ABI2: variants seen among roughly 807,000 people sequenced by gnomAD.
ABI2 encodes abl interactor 2, also known as abelson interactor 2.
ABI2 carries 25 observed loss-of-function variants against 59.2 expected under a neutral mutation model. The ratio of observed to expected loss-of-function variants is 0.42; its 90% confidence interval spans 0.31 to 0.59. ABI2 has a LOEUF of 0.59. Ranked by LOEUF, ABI2 falls within the 20% of genes least tolerant of loss-of-function variation. The pLI, the probability that ABI2 is intolerant of heterozygous loss-of-function variation, is 0.14. For synonymous variants in ABI2, 213 were observed against 235.5 expected, an observed-to-expected ratio of 0.90 and a Z score of 0.87; for missense variants, 545 against 681.8, an observed-to-expected ratio of 0.80 and a Z score of 2.23.
intron 10 of ABI2, among the ~76,000 whole-genome samples, chr2:203,416,308 T>C (rs1010909460): frequency 6.6e-6 from 1 of 152,098 alleles, no homozygotes; most frequent in East Asian, 1.9e-4. Context: ...TTTTTTGCTG[T>C]TGTTGTTTTT....
chr2:203,414,101 CTTT>C lies in ABI2; in HGVS notation c.1279+2747_1279+2749del, dbSNP rs539839995. On this transcript the variant is annotated intron_variant, in intron 10 of 11. Coordinates refer to ENST00000261018, the MANE Select transcript of ABI2 (RefSeq NM_001375670.1). Reference sequence around the variant, plus strand: ...TTTCTTACCTTTGTACTTGCATTGTCTTTTTTTTTTTTTTTTTTTGGAGACAGT... The same window carrying C: ...TTTCTTACCTTTGTACTTGCATTGTCTTTTTTTTTTTTTTTTGGAGACAGT... 1.4e-3 allele frequency among the ~76,000 whole-genome samples: 177 copies of C among 126,672 alleles called. 1 individual carries two copies. The highest frequency in any genetic ancestry group is 4.3e-3 in the Admixed American group (54 of 12,516). 83.1% of individuals were successfully genotyped at this position (126,672 alleles called of 152,430 possible). A position where few individuals can be genotyped will look rare whatever the true frequency, so the allele number is the denominator to read the frequency against.
chr2:203,359,847 G>A (rs944951256), intron 1 of ABI2, among the ~76,000 whole-genome samples: 2 of 13,584 alleles, frequency 1.5e-4, no homozygotes, highest in Admixed American at 1.1e-3. Context: ...TACATTTTTG[G>A]GGGGGGGACA....
intron 11 of ABI2, among the ~76,000 whole-genome samples, chr2:203,424,165 A>T (rs1018254893): frequency 4.6e-5 from 7 of 152,208 alleles, no homozygotes; most frequent in Non-Finnish European, 1.5e-5. Context: ...ATCTAGACAG[A>T]TTTTACATTT....
chr2:203,380,343 A>G lies in ABI2; in HGVS notation c.421A>G (p.Ile141Val), dbSNP rs141392713. The G allele has an allele frequency of 6.7e-4, 1,074 of 1,598,598 alleles. 4 individuals are homozygous for G. Among genetic ancestry groups the G allele is most frequent in the Middle Eastern group, 2.0e-3 (12 of 5,986 alleles). ...ACCAGTTCGTTATATTAGAAAACCT[A>G]TTGACTATACAATTCTAGATGATAT... ...ERPVRYIRKP[I>V]DYTILDDIGH... is the part of the protein sequence containing the mutation. Residue 141 changes from isoleucine (I) to valine (V), a missense_variant, in exon 3 of 12, where the codon ATT becomes GTT. Physicochemically the swap from Ile to Val is conservative, Grantham distance 29. This residue lies in a region of ABI2 where 410 missense variants were observed against 435.6 expected (regional missense o/e 0.94). Transcript: ENST00000261018.
intron 1 of ABI2, among the ~76,000 whole-genome samples, chr2:203,365,622 CTTTTTTTTTTTTT>C (rs71007507): frequency 3.1e-5 from 2 of 63,908 alleles, no homozygotes; most frequent in Admixed American, 4.9e-4. Flanking sequence ...GGGCTGTTAT[CTTTTTTTTTTTTT>C]TTTTTTTTTT....
chr2:203,425,886 G>A (rs957398825), intron 11 of ABI2, among the ~76,000 whole-genome samples: 1 of 152,118 alleles, frequency 6.6e-6, no homozygotes, highest in Non-Finnish European at 1.5e-5. Context: ...GCTGTGCGTG[G>A]TGGTGGGCGC....
At chr2:203,346,149 CAAA>C (rs1051436115) in intron 1 of ABI2, among the ~76,000 whole-genome samples, 60 of 137,248 alleles carry the variant, frequency 4.4e-4, no homozygotes, top group Non-Finnish European at 8.3e-4. Flanking sequence ...AACTCCATCT[CAAA>C]AAAAAAAAAA....
intron 1 of ABI2, among the ~76,000 whole-genome samples, chr2:203,365,622 C>CTTTTTTTTTTTTTTTTTTTTTTTTTTT (rs71007507): frequency 1.6e-5 from 1 of 63,908 alleles, no homozygotes; most frequent in African/African-American, 6.0e-5. Flanking sequence ...GGGCTGTTAT[C>CTTTTTTTTTTTTTTTTTTTTTTTTTTT]TTTTTTTTTT....
chr2:203,378,905 A>G (rs199840649), intron 2 of ABI2, among the ~76,000 whole-genome samples: 1 of 152,160 alleles, frequency 6.6e-6, no homozygotes, highest in East Asian at 1.9e-4. Flanking sequence ...ATTTATATAT[A>G]TAATAAACAG....
intron 1 of ABI2, among the ~76,000 whole-genome samples, chr2:203,350,620 A>G (rs1022917137): frequency 6.6e-6 from 1 of 150,420 alleles, no homozygotes; most frequent in South Asian, 2.1e-4. Context: ...GCTCACTGCA[A>G]TCTCTGCCTC....
chr2:203,425,343 C>T (rs1172099346), intron 11 of ABI2, among the ~76,000 whole-genome samples: 1 of 152,218 alleles, frequency 6.6e-6, no homozygotes, highest in Non-Finnish European at 1.5e-5. Flanking sequence ...GCTGGGATTA[C>T]AGGCGCCCAC....
chr2:203,390,970 A>G, intron 4 of ABI2, 76 bp from the exon 5 acceptor site: 5 of 1,082,710 alleles, frequency 4.6e-6, no homozygotes, highest in Non-Finnish European at 7.0e-6. Context: ...TTTGTTATGT[A>G]GTGTAGCATA....
At chr2:203,417,112 G>A (rs1342963834) in intron 11 of ABI2, 31 bp downstream of exon 11, 1 of 1,552,316 alleles carries the variant, frequency 6.4e-7, no homozygotes, top group Non-Finnish European at 8.7e-7. Flanking sequence ...TGGATAGATG[G>A]GAAGAAACCT....
intron 10 of ABI2, among the ~76,000 whole-genome samples, chr2:203,415,495 T>C (rs544319806): frequency 1.4e-4 from 21 of 151,838 alleles, no homozygotes; most frequent in African/African-American, 4.8e-4. Context: ...CGGGCGCCTG[T>C]AGTCCCAGCT....
intron 1 of ABI2, among the ~76,000 whole-genome samples, chr2:203,332,460 A>C (rs2074263981): frequency 6.6e-6 from 1 of 152,222 alleles, no homozygotes; most frequent in South Asian, 2.1e-4. Context: ...CCGCGTATCT[A>C]CTAAAAATAC....
At chr2:203,403,747 T>TG (rs1165643173) in intron 9 of ABI2, among the ~76,000 whole-genome samples, 1 of 143,770 alleles carries the variant, frequency 7.0e-6, no homozygotes, top group Non-Finnish European at 1.5e-5. Flanking sequence ...TTTCTGTTTT[T>TG]TTTTTTTTTT....
chr2:203,399,439 T>C (rs2097133692), intron 8 of ABI2, among the ~76,000 whole-genome samples: 1 of 152,204 alleles, frequency 6.6e-6, no homozygotes, highest in African/African-American at 2.4e-5. Context: ...TCTAAATATA[T>C]GTCCTTTATA....
chr2:203,351,440 T>C (rs954518361), intron 1 of ABI2: 1 of 367,692 alleles, frequency 2.7e-6, no homozygotes, highest in Non-Finnish European at 5.2e-6. Context: ...ATCTTAATGA[T>C]AGTAACTTTT....
At chr2:203,397,742 C>T (rs928821677) in intron 8 of ABI2, among the ~76,000 whole-genome samples, 1 of 152,184 alleles carries the variant, frequency 6.6e-6, no homozygotes, top group African/African-American at 2.4e-5. Context: ...GTGGCATCTG[C>T]TTGGCTTCTG....
Sources: allele counts gnomAD v4.1 joint callset (sites outside exome capture counted in the v4.1 genomes callset), GRCh38; gene constraint gnomAD v4.1.1; regional missense constraint gnomAD v4.1.1; transcripts MANE v1.5; gene names NCBI Gene and HGNC (gene_info 2026-07-23, HGNC 2026-07-21).